The following GRM5 variants were observed in gnomAD, a reference collection of about 807,000 sequenced individuals.
GRM5 encodes metabotropic glutamate receptor 5.
In GRM5, 19 loss-of-function variants were observed where a neutral mutation model predicts 83.1. That is an observed-to-expected ratio of 0.23 (90% confidence interval 0.16 to 0.34). The LOEUF (loss-of-function observed/expected upper bound fraction) is 0.34. Ranked by LOEUF, GRM5 falls within the 10% of genes least tolerant of loss-of-function variation. The probability of loss-of-function intolerance (pLI) is 1.00; values close to 1 mark genes in which losing one functional copy is unlikely to be tolerated. For synonymous variants in GRM5, 675 were observed against 633.6 expected, an observed-to-expected ratio of 1.07 and a Z score of -0.98; for missense variants, 1,160 against 1,588.3, an observed-to-expected ratio of 0.73 and a Z score of 4.58.
chr11:88,648,414 A>C (rs553413294), intron 4 of GRM5, among the ~76,000 whole-genome samples: 9 of 138,198 alleles, frequency 6.5e-5, no homozygotes, highest in African/African-American at 2.2e-4. Context: ...CAAAAAACCA[A>C]ACACCGCATA....
intron 4 of GRM5, among the ~76,000 whole-genome samples, chr11:88,629,853 G>A (rs770330905): frequency 8.5e-5 from 13 of 152,180 alleles, no homozygotes; most frequent in Non-Finnish European, 1.2e-4. Context: ...GTCCTCTAGT[G>A]GCTTCATGTC....
intron 3 of GRM5, among the ~76,000 whole-genome samples, chr11:88,791,543 G>A (rs767039585): frequency 1.2e-4 from 19 of 152,008 alleles, no homozygotes; most frequent in African/African-American, 3.6e-4. Context: ...TAATAAGGAT[G>A]CAATAAATGG....
chr11:88,811,325 G>A (rs929104378), intron 3 of GRM5, among the ~76,000 whole-genome samples: 7 of 152,180 alleles, frequency 4.6e-5, no homozygotes, highest in South Asian at 2.1e-4. Flanking sequence ...CATTAAAAGC[G>A]GGATATGAAA....
At chr11:89,006,826 TTCTC>T (rs1186928579) in intron 2 of GRM5, among the ~76,000 whole-genome samples, 1 of 152,144 alleles carries the variant, frequency 6.6e-6, no homozygotes, top group Non-Finnish European at 1.5e-5. Flanking sequence ...TTGAGACAGA[TTCTC>T]TCTGTCACCC....
intron 7 of GRM5, among the ~76,000 whole-genome samples, chr11:88,572,144 G>A (rs1943016953): frequency 6.6e-6 from 1 of 152,148 alleles, no homozygotes. Context: ...CTGACCTAGT[G>A]AGCTTTGAAA....
intron 4 of GRM5, among the ~76,000 whole-genome samples, chr11:88,650,483 A>G (rs934086263): frequency 2.0e-5 from 3 of 152,012 alleles, no homozygotes; most frequent in African/African-American, 7.2e-5. Flanking sequence ...GCCAATTGAA[A>G]TCACCGTATG....
intron 3 of GRM5, among the ~76,000 whole-genome samples, chr11:88,670,551 A>AGAT (rs1565180089): frequency 6.6e-6 from 1 of 151,864 alleles, no homozygotes. Context: ...GATAGGCAAA[A>AGAT]AGTCTGAAAA....
chr11:88,841,624 C>T (rs1944204092), intron 3 of GRM5, among the ~76,000 whole-genome samples: 1 of 152,128 alleles, frequency 6.6e-6, no homozygotes, highest in Non-Finnish European at 1.5e-5. Context: ...TTGGTCTTTC[C>T]TTATGCTGGA....
chr11:88,695,978 A>G (rs552891983), intron 3 of GRM5, among the ~76,000 whole-genome samples: 210 of 152,298 alleles, frequency 1.4e-3, no homozygotes, highest in Non-Finnish European at 2.1e-3. Flanking sequence ...AATCAGCTCA[A>G]TTAGACCCTC....
chr11:88,862,469 A>G (rs531035164), intron 2 of GRM5, among the ~76,000 whole-genome samples: 7 of 152,232 alleles, frequency 4.6e-5, no homozygotes, highest in African/African-American at 1.7e-4. Context: ...AAACACTTAA[A>G]AATCCTCAGT....
At chr11:88,545,596 C>T (rs1468107016) in intron 8 of GRM5, among the ~76,000 whole-genome samples, 3 of 151,978 alleles carry the variant, frequency 2.0e-5, no homozygotes, top group Non-Finnish European at 4.4e-5. Flanking sequence ...AGGTCCAAAT[C>T]CTCCATTCAC....
At chr11:88,722,598 A>AT (rs1941573195) in intron 3 of GRM5, among the ~76,000 whole-genome samples, 1 of 152,190 alleles carries the variant, frequency 6.6e-6, no homozygotes, top group Non-Finnish European at 1.5e-5. Flanking sequence ...CAAGGGAGAT[A>AT]CCTGGACAAA....
At chr11:88,778,229 G>T (rs963355611) in intron 3 of GRM5, among the ~76,000 whole-genome samples, 1 of 152,252 alleles carries the variant, frequency 6.6e-6, no homozygotes, top group Non-Finnish European at 1.5e-5. Context: ...CTAGCAGGGA[G>T]CAAGGCTCCA....
chr11:88,636,284 G>A (rs951817497), intron 4 of GRM5, among the ~76,000 whole-genome samples: 1 of 152,202 alleles, frequency 6.6e-6, no homozygotes, highest in Non-Finnish European at 1.5e-5. Flanking sequence ...GGCCAAGGTG[G>A]GTGGATCACT....
At position 88,733,726 on chromosome 11, in the gene GRM5, T is replaced by C. The variant is rs72966410; in HGVS notation, c.912-80323A>G. Among the ~76,000 whole-genome samples the C allele has an allele frequency of 4.8e-3, 738 of 152,190 alleles. 6 individuals carry two copies. The highest frequency in any genetic ancestry group is 7.4e-3 in the Non-Finnish European group (504 of 67,970). ...TCTAGACATTTTCTCTGCTTCTTTA[T>C]GTTATACAATAGCAGATAAACTTCT... is the stretch of plus-strand genomic sequence containing the variant. On this transcript the variant is annotated intron_variant, in intron 3 of 9. Transcript: ENST00000305447.
intron 3 of GRM5, among the ~76,000 whole-genome samples, chr11:88,826,523 C>G (rs1943896905): frequency 6.6e-6 from 1 of 151,494 alleles, no homozygotes; most frequent in Non-Finnish European, 1.5e-5. Flanking sequence ...TTCCAAGGGC[C>G]AATGGACCAG....
intron 2 of GRM5, among the ~76,000 whole-genome samples, chr11:88,931,182 T>C (rs1226750747): frequency 2.6e-5 from 4 of 151,848 alleles, no homozygotes; most frequent in Non-Finnish European, 5.9e-5. Flanking sequence ...TTTTAGTGAT[T>C]CTCCAATGAG....
intron 2 of GRM5, among the ~76,000 whole-genome samples, chr11:88,865,121 C>G (rs1356111053): frequency 6.6e-6 from 1 of 151,804 alleles, no homozygotes; most frequent in East Asian, 1.9e-4. Flanking sequence ...GTGAAAATGG[C>G]CATACTGCCC....
intron 2 of GRM5, among the ~76,000 whole-genome samples, chr11:88,916,560 C>T (rs147124982): frequency 2.6e-5 from 4 of 152,002 alleles, no homozygotes; most frequent in Non-Finnish European, 5.9e-5. Context: ...GCCCTGAGAT[C>T]CTAAATAAAC....
Sources: allele counts gnomAD v4.1 joint callset (sites outside exome capture counted in the v4.1 genomes callset), GRCh38; gene constraint gnomAD v4.1.1; transcripts MANE v1.5; gene names NCBI Gene and HGNC (gene_info 2026-07-23, HGNC 2026-07-21).